NXF3: variants seen among roughly 807,000 people sequenced by gnomAD.
NXF3 encodes TAP-like protein 3.
In NXF3, 34 loss-of-function variants were observed where a neutral mutation model predicts 48.4. The ratio of observed to expected loss-of-function variants is 0.70; its 90% CI spans 0.53 to 0.93. The LOEUF (loss-of-function observed/expected upper bound fraction) is 0.93, where lower values mean the gene tolerates loss of function less well. Among genes scored for constraint, NXF3 ranks in the 40% least tolerant of loss-of-function variants. The pLI is 0.00. For synonymous variants in NXF3, 132 were observed against 145.7 expected (o/e 0.91, Z 0.68); for missense variants, 359 against 406.1 (o/e 0.88, Z 1.00).
chrX:103,084,511 G>A lies in NXF3; in HGVS notation c.198-16C>T, dbSNP rs368736487. 668 of 1,208,345 alleles carry A rather than the reference G, an allele frequency of 5.5e-4. No homozygotes were observed. The highest frequency in any genetic ancestry group is 7.1e-4 in the Non-Finnish European group (633 of 893,650). On this transcript the variant is annotated splice_polypyrimidine_tract_variant and intron_variant, in intron 2 of 19. Coordinates refer to ENST00000395065, the MANE Select transcript of NXF3 (RefSeq NM_022052.2). ...ATAGGGAGTGCTGTGAGCAAGTGGA[G>A]AAAAGGTAGTTCACATATGCTCCGA...
intron 1 of NXF3, chrX:103,088,867 A>G: frequency 8.5e-7 from 1 of 1,183,005 alleles, no homozygotes; most frequent in Non-Finnish European, 1.1e-6. Flanking sequence ...AATGTTAACT[A>G]TAATGATTCC....
rs770184053 is a variant in NXF3, at chrX:103,088,016, G to T, written c.29-3133C>A. The T allele has an allele frequency of 3.1e-5, 29 of 923,666 alleles. No homozygotes were observed. In the South Asian group the frequency reaches 3.5e-4, roughly 11 times the overall value. 76.1% of individuals were successfully genotyped at this position (923,666 alleles called of 1,213,427 possible). A position where few individuals can be genotyped will look rare whatever the true frequency, so the allele number is the denominator to read the frequency against. On this transcript the variant is annotated intron_variant, in intron 1 of 19. Transcript: ENST00000395065. ...GGTGGTTTTGAAAATGGTGATATTG[G>T]TGAATCTGAGTAGAATAATCCACTT...
chrX:103,081,794 G>C (rs773628814), intron 9 of NXF3: 1 of 122,282 alleles, frequency 8.2e-6, no homozygotes, highest in African/African-American at 3.2e-5. Flanking sequence ...TGCCAGCCTG[G>C]GACAGGAGAG....
chrX:103,091,984 CAAAAAA>C (rs59377364), intron 1 of NXF3, among the ~76,000 whole-genome samples: 1 of 47,811 alleles, frequency 2.1e-5, no homozygotes, highest in Non-Finnish European at 3.7e-5. Flanking sequence ...GACTCCATCA[CAAAAAA>C]AAAAAAAAAA....
intron 1 of NXF3, chrX:103,088,418 T>A (rs758412882): frequency 1.5e-6 from 1 of 649,897 alleles, no homozygotes; most frequent in African/African-American, 2.2e-5. Flanking sequence ...TGCGATTTTC[T>A]TGGCAAAAGC....
chrX:103,085,131 A>AT (rs36012532), intron 1 of NXF3, among the ~76,000 whole-genome samples: 2,195 of 104,387 alleles, frequency 0.021, 44 homozygotes, highest in African/African-American at 0.057. Flanking sequence ...CATCTGGCTA[A>AT]TTTTTTTTTT....
chrX:103,091,557 G>C (rs1331474961), intron 1 of NXF3, among the ~76,000 whole-genome samples: 3 of 101,796 alleles, frequency 2.9e-5, no homozygotes, highest in Admixed American at 2.1e-4. Context: ...TGGATTTTTG[G>C]TATCTGTGGG....
chrX:103,089,072 C>T, intron 1 of NXF3: 1 of 1,058,632 alleles, frequency 9.4e-7, no homozygotes, highest in African/African-American at 1.8e-5. Flanking sequence ...ATGATGTCTT[C>T]CTGTACCGAC....
At chrX:103,080,930 G>T in intron 9 of NXF3, 1 of 311,526 alleles carries the variant, frequency 3.2e-6, no homozygotes, top group South Asian at 7.4e-5. Flanking sequence ...CCAAGACCAG[G>T]TCAGCTCTTA....
chrX:103,092,448 G>A (rs1922302175), intron 1 of NXF3, among the ~76,000 whole-genome samples: 5 of 112,477 alleles, frequency 4.4e-5, no homozygotes, highest in African/African-American at 6.5e-5. Flanking sequence ...ACTGATCTAA[G>A]TAAATAGAGA....
intron 18 of NXF3, 107 bp from the exon 19 acceptor site, chrX:103,076,408 C>A: frequency 1.1e-6 from 1 of 892,848 alleles, no homozygotes. Flanking sequence ...TCTGTGTTTT[C>A]TGGAATTTAT....
chrX:103,091,540 G>A (rs1343643312), intron 1 of NXF3, among the ~76,000 whole-genome samples: 1 of 102,273 alleles, frequency 9.8e-6, no homozygotes, highest in Non-Finnish European at 2.0e-5. Context: ...AGGGACTTGA[G>A]TATACTTGGA....
At chrX:103,084,073 A>G (rs1444432502) in intron 3 of NXF3, among the ~76,000 whole-genome samples, 1 of 111,113 alleles carries the variant, frequency 9.0e-6, no homozygotes, top group Non-Finnish European at 1.9e-5. Flanking sequence ...AAACTGAAGC[A>G]TCTGGTGTGG....
intron 17 of NXF3, among the ~76,000 whole-genome samples, chrX:103,078,141 T>A (rs1008053665): frequency 1.5e-4 from 17 of 111,790 alleles, no homozygotes; most frequent in African/African-American, 2.3e-4. Flanking sequence ...CCACACATTT[T>A]AAAAATTTTT....
chrX:103,090,938 C>T (rs1461958193), intron 1 of NXF3, among the ~76,000 whole-genome samples: 1 of 112,011 alleles, frequency 8.9e-6, no homozygotes, highest in Non-Finnish European at 1.9e-5. Flanking sequence ...TAGTGGTTTA[C>T]AGAATTTGCT....
chrX:103,082,156 T>A (rs1333040984), intron 9 of NXF3, 99 bp downstream of exon 9: 6 of 564,826 alleles, frequency 1.1e-5, no homozygotes, highest in Non-Finnish European at 1.9e-5. Context: ...AAGGAGAGGG[T>A]CTGTGGTCCT....
At chrX:103,081,834 C>A (rs1247711388) in intron 9 of NXF3, 4 of 128,555 alleles carry the variant, frequency 3.1e-5, no homozygotes, top group African/African-American at 1.3e-4. Flanking sequence ...AGAAGGAGAA[C>A]CCCTCTCGGG....
intron 17 of NXF3, 73 bp from the exon 18 acceptor site, chrX:103,077,819 T>C: frequency 8.9e-7 from 1 of 1,123,465 alleles, no homozygotes; most frequent in East Asian, 3.1e-5. Context: ...ATCTTTTTCC[T>C]ACTGTTCAGC....
chrX:103,076,145 C>G, intron 19 of NXF3, 96 bp downstream of exon 19: 1 of 604,713 alleles, frequency 1.7e-6, no homozygotes, highest in East Asian at 3.3e-5. Context: ...AGAGGAAGTG[C>G]AGGAGGGAGC....
Sources: allele counts gnomAD v4.1 joint callset (sites outside exome capture counted in the v4.1 genomes callset), GRCh38; gene constraint gnomAD v4.1.1; transcripts MANE v1.5; gene names NCBI Gene and HGNC (gene_info 2026-07-23, HGNC 2026-07-21).